The following NCKAP5 variants were observed in gnomAD, a reference collection of about 807,000 sequenced individuals.
The protein encoded by NCKAP5 is NCK associated protein 5, also known as nck-associated protein 5.
In NCKAP5, 92 loss-of-function variants were observed where a neutral mutation model predicts 167.0. The ratio of observed to expected loss-of-function variants is 0.55; its 90% confidence interval spans 0.47 to 0.66. The LOEUF (loss-of-function observed/expected upper bound fraction) is 0.66. NCKAP5 is among the 30% of genes least tolerant of loss of function. The pLI, the probability that NCKAP5 is intolerant of heterozygous loss-of-function variation, is 0.00. For missense variants in NCKAP5, 2,378 were observed against 2,315.0 expected (o/e 1.03, Z -0.56); for synonymous variants, 891 against 877.4 (o/e 1.02, Z -0.27).
intron 7 of NCKAP5, among the ~76,000 whole-genome samples, chr2:132,965,310 A>C (rs1378875241): frequency 6.6e-6 from 1 of 152,238 alleles, no homozygotes; most frequent in African/African-American, 2.4e-5. Flanking sequence ...AGTCCAGGTC[A>C]TGGTAGCATT....
At chr2:132,812,521 T>C (rs1685958379) in intron 11 of NCKAP5, among the ~76,000 whole-genome samples, 1 of 152,142 alleles carries the variant, frequency 6.6e-6, no homozygotes, top group Non-Finnish European at 1.5e-5. Context: ...GGTACAATGA[T>C]GAACAAGCAC....
At chr2:133,148,413 C>T (rs1368970) in intron 5 of NCKAP5, among the ~76,000 whole-genome samples, 73,669 of 151,936 alleles carry the variant, frequency 0.48, 18,521 homozygotes, top group African/African-American at 0.64. Context: ...GTTCAACTTA[C>T]ACATTTCACA....
intron 3 of NCKAP5, among the ~76,000 whole-genome samples, chr2:133,483,618 CA>C (rs1265374681): frequency 4.2e-4 from 50 of 119,558 alleles, no homozygotes; most frequent in Middle Eastern, 4.2e-3. Context: ...TAATACTCTG[CA>C]AAAAAAAAGG....
chr2:132,979,416 C>T (rs2077065538), intron 7 of NCKAP5, among the ~76,000 whole-genome samples: 1 of 152,140 alleles, frequency 6.6e-6, no homozygotes, highest in Non-Finnish European at 1.5e-5. Flanking sequence ...GGGCCCACCC[C>T]ATGCCCTAGT....
chr2:133,397,528 C>G (rs542262151), intron 3 of NCKAP5, among the ~76,000 whole-genome samples: 1 of 152,296 alleles, frequency 6.6e-6, no homozygotes, highest in South Asian at 2.1e-4. Context: ...TGTCCACTGT[C>G]TACTACCATA....
intron 8 of NCKAP5, among the ~76,000 whole-genome samples, chr2:132,942,358 AT>A (rs1444285204): frequency 6.6e-6 from 1 of 151,878 alleles, no homozygotes; most frequent in Non-Finnish European, 1.5e-5. Context: ...CAGGTCTCTG[AT>A]TCTGTGGGGC....
chr2:133,365,655 T>C (rs1685412777), intron 3 of NCKAP5, among the ~76,000 whole-genome samples: 1 of 152,204 alleles, frequency 6.6e-6, no homozygotes, highest in African/African-American at 2.4e-5. Context: ...CTATAGTCAA[T>C]TTAAAATTGC....
chr2:133,236,772 T>A (rs944360568), intron 4 of NCKAP5, among the ~76,000 whole-genome samples: 1 of 152,148 alleles, frequency 6.6e-6, no homozygotes, highest in Non-Finnish European at 1.5e-5. Context: ...TAAATCCAAT[T>A]AAAATGGAAG....
chr2:133,210,172 A>AG (rs2086143512), intron 5 of NCKAP5, among the ~76,000 whole-genome samples: 2 of 145,016 alleles, frequency 1.4e-5, no homozygotes, highest in Non-Finnish European at 3.0e-5. Flanking sequence ...TCTCAAAAAT[A>AG]AATAATATAA....
chr2:132,752,069 A>C (rs1183334515), intron 16 of NCKAP5, among the ~76,000 whole-genome samples: 1 of 152,224 alleles, frequency 6.6e-6, no homozygotes, highest in East Asian at 1.9e-4. Flanking sequence ...AGCAACTCTC[A>C]CTGATTTTAG....
At chr2:133,540,429 T>G (rs1686127868) in intron 2 of NCKAP5, among the ~76,000 whole-genome samples, 1 of 152,126 alleles carries the variant, frequency 6.6e-6, no homozygotes, top group East Asian at 1.9e-4. Flanking sequence ...AATTTCAAAT[T>G]GAGCTAAAAC....
chr2:132,970,033 T>A (rs1460580200), intron 7 of NCKAP5, among the ~76,000 whole-genome samples: 1 of 152,038 alleles, frequency 6.6e-6, no homozygotes, highest in Non-Finnish European at 1.5e-5. Flanking sequence ...AAGAAACAAA[T>A]AGGTGGAGAC....
chr2:132,716,063 C>T (rs561430099), intron 19 of NCKAP5, among the ~76,000 whole-genome samples: 1 of 152,280 alleles, frequency 6.6e-6, no homozygotes, highest in South Asian at 2.1e-4. Context: ...AGATTAGTAT[C>T]CCCTTCCCTC....
upstream of NCKAP5, among the ~76,000 whole-genome samples, chr2:133,572,157 C>T (rs1020979110): frequency 1.3e-5 from 2 of 152,192 alleles, no homozygotes; most frequent in Non-Finnish European, 2.9e-5. Flanking sequence ...GCCTGACCCT[C>T]CAGTGTCCTA....
At chr2:133,435,322 A>T (rs1008475417) in intron 3 of NCKAP5, among the ~76,000 whole-genome samples, 3 of 152,224 alleles carry the variant, frequency 2.0e-5, no homozygotes, top group Admixed American at 1.3e-4. Context: ...GACGAGTTTA[A>T]TTATTTTTTT....
chr2:132,899,390 A>G (rs113289072), intron 8 of NCKAP5, among the ~76,000 whole-genome samples: 3 of 152,386 alleles, frequency 2.0e-5, no homozygotes, highest in South Asian at 2.1e-4. Flanking sequence ...TTTCTCCATA[A>G]TAGCCATAAG....
chr2:133,064,310 T>A (rs2080114177), intron 6 of NCKAP5, among the ~76,000 whole-genome samples: 1 of 152,348 alleles, frequency 6.6e-6, no homozygotes, highest in African/African-American at 2.4e-5. Flanking sequence ...GGAAGGTGGA[T>A]CTTTAAGTAT....
intron 3 of NCKAP5, among the ~76,000 whole-genome samples, chr2:133,372,931 G>A (rs933275625): frequency 6.6e-6 from 1 of 152,190 alleles, no homozygotes; most frequent in African/African-American, 2.4e-5. Context: ...TGGACTCCAG[G>A]AGAATAGCAA....
intron 4 of NCKAP5, among the ~76,000 whole-genome samples, chr2:133,295,144 C>A (rs1022310910): frequency 1.3e-5 from 2 of 152,134 alleles, no homozygotes; most frequent in Non-Finnish European, 2.9e-5. Flanking sequence ...ACAACCCAGA[C>A]TCTTTTCCCC....
Sources: gnomAD v4.1 joint callset for allele counts (sites outside exome capture counted in the v4.1 genomes callset) on GRCh38, gnomAD v4.1.1 for gene constraint, MANE v1.5 for transcripts, NCBI Gene and HGNC (gene_info 2026-07-23, HGNC 2026-07-21) for gene names.